The following DOCK1 variants were observed in gnomAD, a reference collection of about 807,000 sequenced individuals.
DOCK1 encodes the protein dedicator of cytokinesis protein 1.
In DOCK1, 138 loss-of-function variants were observed where a neutral mutation model predicts 262.7. The observed-to-expected ratio is 0.53, with a 90% CI of 0.46 to 0.61. DOCK1 has a LOEUF of 0.61. Ranked by LOEUF, DOCK1 falls within the 20% of genes least tolerant of loss-of-function variation. The probability of loss-of-function intolerance (pLI) is 0.00; values close to 1 mark genes in which losing one functional copy is unlikely to be tolerated. For synonymous variants in DOCK1, 866 were observed against 867.4 expected (o/e 1.00, Z 0.03); for missense variants, 1,908 against 2,370.7 (o/e 0.80, Z 4.05).
chr10:127,152,950 C>A (rs528905951), intron 27 of DOCK1, among the ~76,000 whole-genome samples: 63 of 152,230 alleles, frequency 4.1e-4, no homozygotes, highest in Admixed American at 1.4e-3. Context: ...GGGAGAGAAC[C>A]CTGATGGGTT....
intron 1 of DOCK1, among the ~76,000 whole-genome samples, chr10:126,963,616 TTC>T (rs2037410175): frequency 4.6e-4 from 27 of 58,352 alleles, no homozygotes; most frequent in African/African-American, 2.0e-3. Context: ...TTCCCTTCCC[TTC>T]CCTTCCCTTC....
At chr10:126,970,177 T>A (rs930275210) in intron 1 of DOCK1, among the ~76,000 whole-genome samples, 1 of 152,110 alleles carries the variant, frequency 6.6e-6, no homozygotes, top group African/African-American at 2.4e-5. Flanking sequence ...TTTTGCAAAA[T>A]AGGAGCAGCT....
intron 33 of DOCK1, 112 bp from the exon 34 acceptor site, chr10:127,373,669 G>A (rs1179257425): frequency 1.0e-6 from 1 of 961,914 alleles, no homozygotes; most frequent in Non-Finnish European, 1.6e-6. Context: ...CAAAGGCAGA[G>A]GGTAGCCATC....
intron 2 of DOCK1, among the ~76,000 whole-genome samples, chr10:126,971,981 A>C (rs963512985): frequency 2.4e-4 from 36 of 151,778 alleles, no homozygotes; most frequent in African/African-American, 8.7e-4. Flanking sequence ...CAATGGCGCG[A>C]TTTTGGCCCA....
At position 127,281,908 on chromosome 10, in the gene DOCK1, G is replaced by C. The variant is rs1590257753; in HGVS notation, c.3044+24479G>C. On this transcript the variant is annotated intron_variant, in intron 29 of 51. Coordinates refer to ENST00000623213, the MANE Select transcript of DOCK1 (RefSeq NM_001290223.2). ...GGCCTCCCTGTAGGTCAGTGATGTTGCATCAGTACTGGGATTAGGCTGGGG... is the reference window on the plus strand; with the variant it reads ...GGCCTCCCTGTAGGTCAGTGATGTTCCATCAGTACTGGGATTAGGCTGGGG... 2.0e-5 allele frequency among the ~76,000 whole-genome samples: 3 copies of C among 152,154 alleles called. No individual in the cohort carries two copies. The East Asian group carries it at 5.8e-4, about 29-fold the overall frequency.
chr10:126,960,780 A>G (rs1401170398), intron 1 of DOCK1, among the ~76,000 whole-genome samples: 3 of 110,098 alleles, frequency 2.7e-5, no homozygotes, highest in African/African-American at 1.3e-4. Context: ...ATATACGTAT[A>G]TATGTGTATA....
intron 29 of DOCK1, 120 bp from the exon 30 acceptor site, chr10:127,338,886 C>T (rs1349589295): frequency 7.5e-6 from 6 of 805,146 alleles, no homozygotes; most frequent in Admixed American, 2.7e-5. Context: ...CACAGCTTTG[C>T]GCAAGACTTG....
At chr10:127,441,795 T>A (rs557222813) in intron 49 of DOCK1, among the ~76,000 whole-genome samples, 1 of 150,266 alleles carries the variant, frequency 6.7e-6, no homozygotes, top group Admixed American at 6.7e-5. Context: ...CCCCTGTGGC[T>A]GGGTTCGGTT....
At chr10:127,031,297 C>T (rs909408750) in intron 16 of DOCK1, among the ~76,000 whole-genome samples, 6 of 152,178 alleles carry the variant, frequency 3.9e-5, no homozygotes, top group African/African-American at 7.2e-5. Flanking sequence ...CAGTTACTCT[C>T]GCTTTCTAGT....
chr10:127,042,758 C>T (rs779720869), intron 20 of DOCK1, 44 bp downstream of exon 20: 3 of 1,587,996 alleles, frequency 1.9e-6, no homozygotes, highest in Non-Finnish European at 1.7e-6. Context: ...ACACAGCGTT[C>T]TTCCATGCTG....
At chr10:127,196,652 T>G (rs1217093638) in intron 27 of DOCK1, among the ~76,000 whole-genome samples, 4 of 91,334 alleles carry the variant, frequency 4.4e-5, no homozygotes, top group Non-Finnish European at 6.6e-5. Flanking sequence ...CCGGGCCGCG[T>G]GCGTGGGGTG....
chr10:127,419,282 A>G (rs564264928), intron 45 of DOCK1, among the ~76,000 whole-genome samples: 1 of 152,360 alleles, frequency 6.6e-6, no homozygotes, highest in East Asian at 1.9e-4. Flanking sequence ...CCACCCTTGC[A>G]CAAAGAAGTT....
chr10:127,127,750 G>T lies in DOCK1; in HGVS notation c.2833G>T (p.Asp945Tyr). Residue 945 changes from aspartate to tyrosine, a missense_variant, in exon 27 of 52, where the codon GAT becomes TAT. By Grantham distance (160) the Asp-to-Tyr change is radical. Coordinates refer to ENST00000623213, the MANE Select transcript of DOCK1 (RefSeq NM_001290223.2). Reference sequence around the variant, plus strand: ...CCGAACCGTCATTTCCATGGGACGAGATTCTGAACTCATTGTAAGTGCTTG... The same window carrying T: ...CCGAACCGTCATTTCCATGGGACGATATTCTGAACTCATTGTAAGTGCTTG... ...VNRTVISMGR[D>Y]SELIGNFVAC... The T allele has an allele frequency of 1.2e-6, 2 of 1,612,012 alleles. No homozygotes were observed. The highest frequency in any genetic ancestry group is 1.7e-6 in the Non-Finnish European group (2 of 1,178,386).
chr10:127,142,690 A>T (rs2133313049), intron 27 of DOCK1, among the ~76,000 whole-genome samples: 1 of 152,288 alleles, frequency 6.6e-6, no homozygotes, highest in South Asian at 2.1e-4. Context: ...TTACCTTTGT[A>T]GCCCTCTCGC....
chr10:127,246,393 C>T (rs376859673), intron 27 of DOCK1, among the ~76,000 whole-genome samples: 3 of 152,294 alleles, frequency 2.0e-5, no homozygotes, highest in South Asian at 2.1e-4. Flanking sequence ...GTTATTAAGA[C>T]GATTATCCAC....
chr10:127,417,243 C>G (rs1170635323), intron 44 of DOCK1, among the ~76,000 whole-genome samples: 1 of 152,206 alleles, frequency 6.6e-6, no homozygotes, highest in Non-Finnish European at 1.5e-5. Flanking sequence ...CCCCGTGGCC[C>G]AGTGTGAGGA....
At chr10:126,945,325 T>C (rs1591390221) in intron 1 of DOCK1, among the ~76,000 whole-genome samples, 2 of 151,814 alleles carry the variant, frequency 1.3e-5, no homozygotes, top group African/African-American at 4.8e-5. Context: ...TGGCAGAGGG[T>C]ACTTGCATTT....
At chr10:127,121,390 C>T (rs2049555633) in intron 25 of DOCK1, among the ~76,000 whole-genome samples, 1 of 151,686 alleles carries the variant, frequency 6.6e-6, no homozygotes, top group Non-Finnish European at 1.5e-5. Context: ...TAGGAGATTC[C>T]TCTTCCTTGG....
intron 24 of DOCK1, 64 bp from the exon 25 acceptor site, chr10:127,110,183 TG>T: frequency 7.4e-7 from 1 of 1,355,358 alleles, no homozygotes; most frequent in Non-Finnish European, 1.0e-6. Flanking sequence ...ATCTCAGTAT[TG>T]TAACAACATT....
Sources: allele counts gnomAD v4.1 joint callset (sites outside exome capture counted in the v4.1 genomes callset), GRCh38; gene constraint gnomAD v4.1.1; transcripts MANE v1.5; gene names NCBI Gene and HGNC (gene_info 2026-07-23, HGNC 2026-07-21).